Variants in TENM2 observed in about 807,000 individuals in gnomAD.
TENM2 encodes the protein teneurin transmembrane protein 2.
TENM2 carries 52 observed loss-of-function variants against 245.2 expected under a neutral mutation model. The observed-to-expected ratio is 0.21, with a 90% CI of 0.17 to 0.27. The LOEUF is 0.27. TENM2 is among the 10% of genes least tolerant of loss of function. The probability of loss-of-function intolerance (pLI) is 1.00; values close to 1 mark genes in which losing one functional copy is unlikely to be tolerated. For synonymous variants in TENM2, 1,363 were observed against 1,438.9 expected (o/e 0.95, Z 1.19); for missense variants, 3,046 against 3,666.8 (o/e 0.83, Z 4.37).
At chr5:167,676,977 C>T (rs1756372508) in intron 2 of TENM2, among the ~76,000 whole-genome samples, 1 of 152,208 alleles carries the variant, frequency 6.6e-6, no homozygotes, top group Non-Finnish European at 1.5e-5. Flanking sequence ...AGGTAATTCT[C>T]TCAACTAAAT....
chr5:168,003,301 GAA>G (rs72452959), intron 5 of TENM2, among the ~76,000 whole-genome samples: 32,470 of 112,760 alleles, frequency 0.29, 4,158 homozygotes, highest in African/African-American at 0.46. Flanking sequence ...AAGTTTTTAA[GAA>G]AAAACACACA....
the TENM2 span, among the ~76,000 whole-genome samples, chr5:167,153,060 A>ATT: frequency 2.0e-5 from 3 of 151,522 alleles, no homozygotes; most frequent in Non-Finnish European, 2.9e-5. Flanking sequence ...GGTTTTATTT[A>ATT]TTTTTGCCTG....
chr5:168,259,442 G>T (rs1000241263), intron 27 of TENM2, among the ~76,000 whole-genome samples: 2 of 152,166 alleles, frequency 1.3e-5, no homozygotes, highest in Non-Finnish European at 2.9e-5. Flanking sequence ...TACAAAATTA[G>T]CCAGGTGTGG....
At chr5:167,918,774 CTTTT>C (rs36028538) in intron 3 of TENM2, among the ~76,000 whole-genome samples, 3 of 141,062 alleles carry the variant, frequency 2.1e-5, no homozygotes, top group Non-Finnish European at 1.5e-5. Flanking sequence ...TATTTTTCTC[CTTTT>C]TTTTTTTTTT....
intron 2 of TENM2, chr5:167,573,847 T>G (rs1338549252): frequency 1.6e-5 from 2 of 123,070 alleles, no homozygotes; most frequent in African/African-American, 6.2e-5. Context: ...CAACAAAAAC[T>G]AATCACTTTC....
intron 1 of TENM2, among the ~76,000 whole-genome samples, chr5:167,310,092 C>T (rs1755932496): frequency 6.6e-6 from 1 of 152,130 alleles, no homozygotes; most frequent in Non-Finnish European, 1.5e-5. Context: ...ATATTGGAAA[C>T]AGATTTACTG....
chr5:167,607,482 T>C (rs1399436731), intron 2 of TENM2, among the ~76,000 whole-genome samples: 2 of 152,198 alleles, frequency 1.3e-5, no homozygotes, highest in African/African-American at 4.8e-5. Flanking sequence ...TATGTGGAGT[T>C]TGAATGTTTC....
chr5:167,525,558 AT>A (rs1000142042), intron 2 of TENM2, among the ~76,000 whole-genome samples: 11 of 152,282 alleles, frequency 7.2e-5, no homozygotes, highest in African/African-American at 2.4e-4. Flanking sequence ...TAATATGGAA[AT>A]TTCAACATGG....
At chr5:167,916,659 C>G (rs1468143265) in intron 3 of TENM2, among the ~76,000 whole-genome samples, 1 of 152,116 alleles carries the variant, frequency 6.6e-6, no homozygotes, top group African/African-American at 2.4e-5. Context: ...TAGAGTTCAC[C>G]TTGAAAGGCT....
chr5:167,687,980 CG>C (rs1246429605), intron 2 of TENM2, among the ~76,000 whole-genome samples: 2 of 152,110 alleles, frequency 1.3e-5, no homozygotes, highest in African/African-American at 4.8e-5. Context: ...ACAATAATAG[CG>C]GTATTTATTA....
intron 2 of TENM2, among the ~76,000 whole-genome samples, chr5:167,857,032 C>T (rs1028022690): frequency 2.0e-5 from 3 of 152,122 alleles, no homozygotes; most frequent in Admixed American, 6.5e-5. Flanking sequence ...ATTCCGCAAC[C>T]ACCTAGAGCA....
chr5:167,122,232 A>G, the TENM2 span, among the ~76,000 whole-genome samples: 7 of 152,108 alleles, frequency 4.6e-5, no homozygotes, highest in Non-Finnish European at 7.4e-5. Context: ...TTACCTCACT[A>G]ATTACAAGTA....
At chr5:168,137,121 G>T (rs1369932733) in intron 12 of TENM2, among the ~76,000 whole-genome samples, 2 of 152,134 alleles carry the variant, frequency 1.3e-5, no homozygotes, top group Non-Finnish European at 2.9e-5. Context: ...AGAAAGAAAG[G>T]GTTAACCAAT....
At chr5:167,920,860 C>T (rs887767745) in intron 3 of TENM2, among the ~76,000 whole-genome samples, 7 of 152,064 alleles carry the variant, frequency 4.6e-5, no homozygotes, top group African/African-American at 1.7e-4. Context: ...TAAGAATCAG[C>T]GACAATAAAA....
At chr5:167,422,202 G>T (rs370272568) in intron 2 of TENM2, among the ~76,000 whole-genome samples, 24 of 152,254 alleles carry the variant, frequency 1.6e-4, no homozygotes, top group African/African-American at 5.5e-4. Flanking sequence ...TGATTAGTTC[G>T]ACAAATAGCA....
intron 1 of TENM2, among the ~76,000 whole-genome samples, chr5:167,308,217 G>T (rs1315641651): frequency 1.3e-5 from 2 of 152,096 alleles, no homozygotes; most frequent in Non-Finnish European, 2.9e-5. Flanking sequence ...GAAAAGCACA[G>T]AATTTGAAGC....
chr5:167,573,211 G>C (rs1163954838), intron 2 of TENM2, among the ~76,000 whole-genome samples: 1 of 152,108 alleles, frequency 6.6e-6, no homozygotes, highest in Non-Finnish European at 1.5e-5. Flanking sequence ...GTAGAAATTA[G>C]CAGCTTTCAT....
intron 5 of TENM2, among the ~76,000 whole-genome samples, chr5:167,996,766 C>T (rs1784083699): frequency 7.0e-6 from 1 of 143,514 alleles, no homozygotes; most frequent in African/African-American, 2.7e-5. Context: ...AGCCTCACTC[C>T]ATTGTCCAGG....
chr5:168,101,620 A>G (rs1793821390), intron 9 of TENM2, among the ~76,000 whole-genome samples: 1 of 152,180 alleles, frequency 6.6e-6, no homozygotes, highest in African/African-American at 2.4e-5. Context: ...TGAAACAAAT[A>G]TTGAGTGGAT....
Sources: allele counts gnomAD v4.1 joint callset (sites outside exome capture counted in the v4.1 genomes callset), GRCh38; gene constraint gnomAD v4.1.1; transcripts MANE v1.5; gene names NCBI Gene and HGNC (gene_info 2026-07-23, HGNC 2026-07-21).